The following TMEM45A variants were observed in gnomAD, a reference collection of about 807,000 sequenced individuals.
The protein encoded by TMEM45A is transmembrane protein 45A.
Under a neutral mutation model 32.0 loss-of-function variants are expected in TMEM45A, and 25 were observed. The observed-to-expected ratio is 0.78, with a 90% CI of 0.57 to 1.09. TMEM45A has a LOEUF of 1.09. TMEM45A is among the 50% of genes least tolerant of loss of function. The pLI, the probability that TMEM45A is intolerant of heterozygous loss-of-function variation, is 0.00. For synonymous variants in TMEM45A, 122 were observed against 114.8 expected (o/e 1.06, Z -0.40); for missense variants, 302 against 325.0 (o/e 0.93, Z 0.54).
intron 1 of TMEM45A, among the ~76,000 whole-genome samples, chr3:100,532,083 G>A (rs899572133): frequency 2.0e-5 from 3 of 152,106 alleles, no homozygotes; most frequent in African/African-American, 7.2e-5. Context: ...TGCTTTCATA[G>A]GACTATTAGC....
chr3:100,573,509 G>A (rs1706614710), intron 5 of TMEM45A: 1 of 152,196 alleles, frequency 6.6e-6, no homozygotes, highest in African/African-American at 2.4e-5. Flanking sequence ...GGGCTGAGCT[G>A]ATGGGGTTTT....
intron 4 of TMEM45A, among the ~76,000 whole-genome samples, chr3:100,563,840 T>G (rs778943216): frequency 2.6e-5 from 4 of 152,170 alleles, no homozygotes; most frequent in Non-Finnish European, 5.9e-5. Context: ...CACTGATATC[T>G]CCAAAGCAAC....
chr3:100,571,328 A>C (rs1194388691), intron 5 of TMEM45A: 1 of 151,426 alleles, frequency 6.6e-6, no homozygotes, highest in Non-Finnish European at 1.5e-5. Context: ...ACGTGAGTAC[A>C]TATTTTTTCT....
intron 1 of TMEM45A, among the ~76,000 whole-genome samples, chr3:100,511,313 A>G (rs1160924702): frequency 6.6e-6 from 1 of 152,332 alleles, no homozygotes; most frequent in Non-Finnish European, 1.5e-5. Context: ...AGTGGGGGCC[A>G]ATATTCAACA....
chr3:100,544,927 G>A (rs947479676), intron 1 of TMEM45A, among the ~76,000 whole-genome samples: 6 of 152,156 alleles, frequency 3.9e-5, no homozygotes, highest in African/African-American at 1.4e-4. Context: ...TTCCCATGGG[G>A]CTGTTCTATT....
intron 1 of TMEM45A, among the ~76,000 whole-genome samples, chr3:100,514,696 A>G (rs1393499854): frequency 6.6e-6 from 1 of 152,182 alleles, no homozygotes; most frequent in Non-Finnish European, 1.5e-5. Flanking sequence ...GGCAACCTAC[A>G]AAATGGGAGA....
chr3:100,555,227 G>A lies in TMEM45A; in HGVS notation c.16G>A (p.Gly6Ser), dbSNP rs755550445. 2 of 1,602,136 alleles carry A rather than the reference G, an allele frequency of 1.2e-6. No individual in the cohort carries two copies. The highest frequency in any genetic ancestry group is 2.2e-5 in the East Asian group (1 of 44,710). The part of the protein sequence containing the change: MGNFR[G>S]HALPGTFFFI... ...TTTGTAGATCATGGGGAATTTCAGAGGTCATGCCCTCCCTGGAACCTTCTT... is the reference window on the plus strand; with the variant it reads ...TTTGTAGATCATGGGGAATTTCAGAAGTCATGCCCTCCCTGGAACCTTCTT... Residue 6 changes from glycine (G) to serine (S), a missense_variant, in exon 2 of 6, where the codon GGT becomes AGT. Physicochemically the swap from Gly to Ser is moderately conservative, Grantham distance 56. Coordinates refer to ENST00000323523, the MANE Select transcript of TMEM45A (RefSeq NM_018004.3).
chr3:100,529,516 A>C (rs958632870), intron 1 of TMEM45A, among the ~76,000 whole-genome samples: 2 of 152,284 alleles, frequency 1.3e-5, no homozygotes, highest in South Asian at 4.1e-4. Context: ...TCAGACTGGA[A>C]GTTCAAGATC....
chr3:100,497,514 A>G (rs746832045), intron 1 of TMEM45A, among the ~76,000 whole-genome samples: 8 of 152,158 alleles, frequency 5.3e-5, no homozygotes, highest in Non-Finnish European at 1.2e-4. Flanking sequence ...GACATTTTTC[A>G]TCTTCCCAAA....
At chr3:100,537,799 C>T (rs1705772014) in intron 1 of TMEM45A, among the ~76,000 whole-genome samples, 1 of 152,220 alleles carries the variant, frequency 6.6e-6, no homozygotes. Context: ...AGCTGTGATG[C>T]AAGTGAATGT....
intron 1 of TMEM45A, among the ~76,000 whole-genome samples, chr3:100,509,461 A>G (rs1708123609): frequency 6.6e-6 from 1 of 152,266 alleles, no homozygotes; most frequent in Non-Finnish European, 1.5e-5. Context: ...AGAAATCAGT[A>G]TATCAAGGGG....
Position 100,556,867 on chromosome 3 carries a change from T to C in TMEM45A, c.298T>C (p.Phe100Leu). Residue 100 changes from phenylalanine (F) to leucine (L), a missense_variant, in exon 3 of 6, where the codon TTC becomes CTC. By Grantham distance (22) the Phe-to-Leu change is conservative. Transcript: ENST00000323523. Reference protein sequence around the residue: ...LLGWHHFTMYFFFGLLGVADI... With the variant: ...LLGWHHFTMYLFFGLLGVADI... ...GGGCTGGCATCATTTCACCATGTAT[T>C]TCTTCTTTGGGCTGTTGGGTGTGGC... 1 of 1,614,172 alleles carries C rather than the reference T, an allele frequency of 6.2e-7. No individual in the cohort carries two copies. Among genetic ancestry groups the C allele is most frequent in the Non-Finnish European group, 8.5e-7 (1 of 1,180,008 alleles).
At chr3:100,509,043 A>G (rs1708117712) in intron 1 of TMEM45A, among the ~76,000 whole-genome samples, 1 of 152,248 alleles carries the variant, frequency 6.6e-6, no homozygotes, top group Non-Finnish European at 1.5e-5. Context: ...CGAATGGAAG[A>G]AAGTATTTTT....
In TMEM45A at chr3:100,548,539, G is replaced by A. The variant is rs76936665; in HGVS notation, c.-3-6670G>A. ...TTTCCACTGTCCCCTGGTCACTGCG[G>A]GCTCCTCCTCTACAGCACTACTTTA... On this transcript the variant is annotated intron_variant, in intron 1 of 5. Coordinates refer to ENST00000323523, the MANE Select transcript of TMEM45A (RefSeq NM_018004.3). Among the ~76,000 whole-genome samples, 9 of 152,180 alleles carry A rather than the reference G, an allele frequency of 5.9e-5. No individual in the cohort carries two copies. In the East Asian group the frequency reaches 1.7e-3, roughly 29 times the overall value.
intron 1 of TMEM45A, among the ~76,000 whole-genome samples, chr3:100,514,348 C>G (rs1360763271): frequency 6.6e-6 from 1 of 152,092 alleles, no homozygotes; most frequent in African/African-American, 2.4e-5. Context: ...TGATCTTTGA[C>G]AAACCTGAGA....
intron 3 of TMEM45A, among the ~76,000 whole-genome samples, chr3:100,557,746 T>C (rs888777360): frequency 2.0e-4 from 30 of 152,218 alleles, no homozygotes; most frequent in African/African-American, 7.2e-4. Context: ...AGCCCGGTTC[T>C]CATTATCTCA....
intron 5 of TMEM45A, chr3:100,572,175 A>C (rs1706575721): frequency 6.6e-6 from 1 of 152,198 alleles, no homozygotes; most frequent in Non-Finnish European, 1.5e-5. Flanking sequence ...GAATCGCCAC[A>C]CTGACTTCCA....
chr3:100,568,311 C>T (rs568974383), intron 4 of TMEM45A, among the ~76,000 whole-genome samples: 22 of 152,040 alleles, frequency 1.4e-4, no homozygotes, highest in African/African-American at 2.4e-4. Context: ...TTTTTCTTAA[C>T]GGCTTAATTA....
At chr3:100,536,068 G>T (rs541457918) in intron 1 of TMEM45A, among the ~76,000 whole-genome samples, 1 of 152,194 alleles carries the variant, frequency 6.6e-6, no homozygotes, top group African/African-American at 2.4e-5. Flanking sequence ...GATATTTTTG[G>T]TTGTCACATC....
Sources: gnomAD v4.1 joint callset for allele counts (sites outside exome capture counted in the v4.1 genomes callset) on GRCh38, gnomAD v4.1.1 for gene constraint, MANE v1.5 for transcripts, NCBI Gene and HGNC (gene_info 2026-07-23, HGNC 2026-07-21) for gene names.